ARNT2: variants seen among roughly 807,000 people sequenced by gnomAD.
The protein encoded by ARNT2 is aryl hydrocarbon receptor nuclear translocator 2.
Under a neutral mutation model 91.7 loss-of-function variants are expected in ARNT2, and 36 were observed. The observed-to-expected ratio is 0.39, with a 90% CI of 0.30 to 0.52. The LOEUF (loss-of-function observed/expected upper bound fraction) is 0.52. ARNT2 is among the 20% of genes least tolerant of loss of function. ARNT2 has a pLI of 0.72. For missense variants in ARNT2, 775 were observed against 939.3 expected (o/e 0.83, Z 2.29); for synonymous variants, 365 against 347.1 (o/e 1.05, Z -0.57).
At chr15:80,579,792 A>G (rs1011150860) in intron 15 of ARNT2, among the ~76,000 whole-genome samples, 22 of 152,230 alleles carry the variant, frequency 1.4e-4, no homozygotes, top group African/African-American at 5.1e-4. Flanking sequence ...TTAGCCTGCA[A>G]AGGCCATGCA....
intron 8 of ARNT2, among the ~76,000 whole-genome samples, chr15:80,536,973 C>G (rs1026123012): frequency 6.6e-6 from 1 of 152,180 alleles, no homozygotes; most frequent in African/African-American, 2.4e-5. Flanking sequence ...AGCTGGTGGC[C>G]TCAGGGTGAT....
At chr15:80,409,821 A>G (rs1437006880) in intron 1 of ARNT2, among the ~76,000 whole-genome samples, 2 of 152,210 alleles carry the variant, frequency 1.3e-5, no homozygotes, top group African/African-American at 4.8e-5. Flanking sequence ...GTCAAGCTCC[A>G]AGGAATGATG....
chr15:80,443,131 A>G (rs780191639), intron 1 of ARNT2: 31 of 625,162 alleles, frequency 5.0e-5, no homozygotes, highest in Non-Finnish European at 6.0e-5. Flanking sequence ...AATCTAAATG[A>G]CTGTAAGGAA....
intron 2 of ARNT2, 47 bp from the exon 3 acceptor site, chr15:80,457,882 A>G: frequency 6.2e-7 from 1 of 1,604,238 alleles, no homozygotes. Flanking sequence ...TACCAGTTAA[A>G]ATGTTCTCCT....
intron 12 of ARNT2, among the ~76,000 whole-genome samples, chr15:80,567,372 A>C (rs1898504070): frequency 6.6e-6 from 1 of 152,072 alleles, no homozygotes; most frequent in South Asian, 2.1e-4. Flanking sequence ...GCTTTGTCCC[A>C]GGCTCATACC....
rs1040673575 is a variant in ARNT2 at position 80,596,920 on chromosome 15, C to T, written c.*3222C>T. ...TAGAACACTCTGTCCATGCGTCACT[C>T]CCCCCAGTTTTATTTTTAGCTTTGG... On this transcript the variant is annotated 3_prime_UTR_variant, in exon 19 of 19. Coordinates refer to ENST00000303329, the MANE Select transcript of ARNT2 (RefSeq NM_014862.4). The T allele has an allele frequency of 2.8e-6, 1 of 355,668 alleles. No homozygotes were observed. Among genetic ancestry groups the T allele is most frequent in the Non-Finnish European group, 5.5e-6 (1 of 180,566 alleles). 22.0% of individuals were successfully genotyped at this position (355,668 alleles called of 1,614,324 possible).
chr15:80,416,463 A>G (rs905837742), intron 1 of ARNT2, among the ~76,000 whole-genome samples: 6 of 152,202 alleles, frequency 3.9e-5, no homozygotes, highest in African/African-American at 1.4e-4. Context: ...GCATTAATGT[A>G]ATAGCATTAT....
chr15:80,472,080 G>A (rs12594226), intron 4 of ARNT2, among the ~76,000 whole-genome samples: 45,571 of 149,116 alleles, frequency 0.31, 8,004 homozygotes, highest in Non-Finnish European at 0.41. Flanking sequence ...TGATGGATTT[G>A]AAAGCACTTC....
chr15:80,488,771 G>A (rs1327163453), intron 5 of ARNT2: 1 of 151,900 alleles, frequency 6.6e-6, no homozygotes, highest in Non-Finnish European at 1.5e-5. Flanking sequence ...TAAATTTCAG[G>A]AAGATAGTTT....
At chr15:80,468,681 C>T (rs78964469) in intron 3 of ARNT2, among the ~76,000 whole-genome samples, 1 of 152,226 alleles carries the variant, frequency 6.6e-6, no homozygotes, top group African/African-American at 2.4e-5. Flanking sequence ...TGCTTTTCAC[C>T]TGCCTTTTGA....
At chr15:80,576,536 C>G (rs1312669920) in intron 14 of ARNT2, among the ~76,000 whole-genome samples, 2 of 152,204 alleles carry the variant, frequency 1.3e-5, no homozygotes, top group African/African-American at 4.8e-5. Context: ...CTCAGCCTCC[C>G]AAAATGCTGG....
rs1321462608 is a variant in ARNT2 at position 80,596,288 on chromosome 15, T to G, written c.*2590T>G. ...GCATTATGACTAAATAGGCCCAGCC[T>G]CCTTCCCTTCCAGCTCTGTCCTAGG... On this transcript the variant is annotated 3_prime_UTR_variant, in exon 19 of 19. Coordinates refer to ENST00000303329, the MANE Select transcript of ARNT2 (RefSeq NM_014862.4). The G allele has an allele frequency of 6.6e-6, 1 of 152,178 alleles. No individual in the cohort carries two copies. Among genetic ancestry groups the G allele is most frequent in the Admixed American group, 6.5e-5 (1 of 15,276 alleles). The allele number at this position is 152,178 out of a possible 1,614,324, so 9.4% of individuals were successfully genotyped here. A position where few individuals can be genotyped will look rare whatever the true frequency, so the allele number is the denominator to read the frequency against.
chr15:80,547,701 T>A lies in ARNT2; in HGVS notation c.878-3498T>A, dbSNP rs577112175. On this transcript the variant is annotated intron_variant, in intron 8 of 18. Transcript: ENST00000303329. ...TAAAATTCAGATTTTCTAATAAAAA[T>A]TTGAGTTTTGGAAAGCTTGTATCTG... Among the ~76,000 whole-genome samples the A allele has an allele frequency of 1.2e-4, 18 of 152,304 alleles. No individual in the cohort carries two copies. In the East Asian group the frequency reaches 3.3e-3, roughly 28 times the overall value.
Position 80,523,166 on chromosome 15 carries a change from C to T in ARNT2, c.877+8761C>T, listed in dbSNP as rs143664121. Among the ~76,000 whole-genome samples the T allele has an allele frequency of 3.2e-3, 482 of 152,254 alleles. 3 individuals carry two copies. Among genetic ancestry groups the T allele is most frequent in the Non-Finnish European group, 4.9e-3 (331 of 68,028 alleles). On this transcript the variant is annotated intron_variant, in intron 8 of 18. Transcript: ENST00000303329. ...TCAGTTTTGAGTAGTTGAGAAACCA[C>T]ATTTGTATTAGAAGTTTGTTTGCTG...
At chr15:80,435,265 C>T (rs1166534996) in intron 1 of ARNT2, among the ~76,000 whole-genome samples, 1 of 152,192 alleles carries the variant, frequency 6.6e-6, no homozygotes, top group Non-Finnish European at 1.5e-5. Flanking sequence ...TTCTCTTTCC[C>T]TCTTGGAGTG....
At chr15:80,453,756 G>T (rs757737497) in intron 2 of ARNT2, among the ~76,000 whole-genome samples, 6 of 152,156 alleles carry the variant, frequency 3.9e-5, no homozygotes, top group Non-Finnish European at 7.3e-5. Flanking sequence ...ATCTGAGAAT[G>T]TGGGACATGG....
At position 80,475,061 on chromosome 15, in the gene ARNT2, G is replaced by A. The variant is rs746263452; in HGVS notation, c.460G>A (p.Ala154Thr). 4 of 1,614,034 alleles carry A rather than the reference G, an allele frequency of 2.5e-6. No individual in the cohort carries two copies. Among genetic ancestry groups the A allele is most frequent in the Non-Finnish European group, 3.4e-6 (4 of 1,180,048 alleles). The change falls in exon 5 of 19, where the codon GCT (alanine) becomes ACT (threonine). Residue 154 changes from alanine (A) to threonine (T), a missense_variant. Coordinates refer to ENST00000303329, the MANE Select transcript of ARNT2 (RefSeq NM_014862.4). Reference protein sequence around the residue: ...EAADGFLFVVAAETGRVIYVS... With the variant: ...EAADGFLFVVTAETGRVIYVS... Reference sequence around the variant, plus strand: ...AGCTGATGGATTTCTGTTTGTGGTGGCTGCTGAGACAGGGCGAGTGATTTA... The same window carrying A: ...AGCTGATGGATTTCTGTTTGTGGTGACTGCTGAGACAGGGCGAGTGATTTA...
In ARNT2 at chr15:80,575,063, A is replaced by G. The variant is rs888040000; in HGVS notation, c.1466A>G (p.Gln489Arg). 3.7e-6 allele frequency: 6 copies of G among 1,614,240 alleles called. No individual in the cohort carries two copies. Among genetic ancestry groups the G allele is most frequent in the Non-Finnish European group, 5.1e-6 (6 of 1,180,042 alleles). The change falls in exon 14 of 19, where the codon CAG becomes CGG. Residue 489 changes from glutamine (Q) to arginine (R), a missense_variant. Gln to Arg is a conservative substitution (Grantham distance 43, BLOSUM62 1). Coordinates refer to ENST00000303329, the MANE Select transcript of ARNT2 (RefSeq NM_014862.4). ...SVEKADAIFSQERDPRFAEMF... is the reference protein window; with the variant it reads ...SVEKADAIFSRERDPRFAEMF... The stretch of plus-strand genomic sequence containing the variant: ...GAAAAGGCGGATGCAATCTTCTCCC[A>G]GGAAAGAGATCCTCGGTTTGCTGAA...
intron 6 of ARNT2, among the ~76,000 whole-genome samples, chr15:80,513,481 T>C (rs926872483): frequency 3.9e-5 from 6 of 152,206 alleles, no homozygotes; most frequent in African/African-American, 1.4e-4. Flanking sequence ...TACTGTTCAT[T>C]AACTGGCAAC....
Sources: gnomAD v4.1 joint callset for allele counts (sites outside exome capture counted in the v4.1 genomes callset) on GRCh38, gnomAD v4.1.1 for gene constraint, MANE v1.5 for transcripts, NCBI Gene and HGNC (gene_info 2026-07-23, HGNC 2026-07-21) for gene names.